Variants in MTERF3 observed in about 807,000 individuals in gnomAD.
MTERF3 encodes transcription termination factor 3, mitochondrial.
A neutral mutation model predicts 40.5 loss-of-function variants in MTERF3; 40 were observed. The ratio of observed to expected loss-of-function variants is 0.99; its 90% CI spans 0.77 to 1.29. The LOEUF (loss-of-function observed/expected upper bound fraction) is 1.29, where lower values mean the gene tolerates loss of function less well. MTERF3 is among the 50% of genes most tolerant of loss of function. The pLI is 0.00. For synonymous variants in MTERF3, 158 were observed against 166.6 expected, an observed-to-expected ratio of 0.95 and a Z score of 0.40; for missense variants, 452 against 478.2, an observed-to-expected ratio of 0.95 and a Z score of 0.51.
chr8:96,252,226 T>C (rs13438876), intron 3 of MTERF3, among the ~76,000 whole-genome samples: 10,397 of 152,234 alleles, frequency 0.068, 390 homozygotes, highest in Non-Finnish European at 0.083. Flanking sequence ...AACAGAATAA[T>C]ACGCACACTC....
chr8:96,239,477 A>C lies in MTERF3; in HGVS notation c.*14T>G, dbSNP rs1378834139. The C allele has an allele frequency of 8.3e-6, 13 of 1,558,004 alleles. No individual in the cohort carries two copies. Among genetic ancestry groups the C allele is most frequent in the Non-Finnish European group, 1.1e-5 (13 of 1,148,526 alleles). On this transcript the variant is annotated 3_prime_UTR_variant, in exon 8 of 8. Transcript: ENST00000287025. ...ATTCACTTTACAATACTGCATTTTA[A>C]CATACATAAAAATCTAAAGCGTTTT...
At chr8:96,243,182 G>C (rs1809959367) in intron 7 of MTERF3, among the ~76,000 whole-genome samples, 1 of 152,124 alleles carries the variant, frequency 6.6e-6, no homozygotes, top group South Asian at 2.1e-4. Flanking sequence ...TCAAAAACAG[G>C]AACATGTGTT....
chr8:96,252,045 G>C (rs535624555), intron 3 of MTERF3, among the ~76,000 whole-genome samples: 1 of 152,272 alleles, frequency 6.6e-6, no homozygotes, highest in South Asian at 2.1e-4. Context: ...TTTTAAAAAG[G>C]GGGGTTTCCA....
At chr8:96,250,329 G>GTTT (rs35632317) in intron 4 of MTERF3, among the ~76,000 whole-genome samples, 3 of 138,856 alleles carry the variant, frequency 2.2e-5, no homozygotes, top group African/African-American at 7.8e-5. Flanking sequence ...TTGTTGATGG[G>GTTT]TTTTTTTTTT....
chr8:96,251,124 G>A (rs184553405), intron 3 of MTERF3, 29 bp from the exon 4 acceptor site: 1 of 1,526,870 alleles, frequency 6.5e-7, no homozygotes, highest in Non-Finnish European at 8.7e-7. Flanking sequence ...ACTGTTTGAA[G>A]ATGACTTCTT....
chr8:96,259,673 T>C (rs1161122644), intron 1 of MTERF3, among the ~76,000 whole-genome samples: 1 of 152,196 alleles, frequency 6.6e-6, no homozygotes, highest in Non-Finnish European at 1.5e-5. Context: ...ATGTTAGCCA[T>C]TATTATTGGT....
chr8:96,248,434 T>C lies in MTERF3; in HGVS notation c.678-1980A>G, dbSNP rs545905990. ...TCTCCAAGATACAGTGAAGGTAAGA[T>C]AGTGGGATACAGAATAGTGTGTATA... On this transcript the variant is annotated intron_variant, in intron 4 of 7. Transcript: ENST00000287025. Among the ~76,000 whole-genome samples, 13 of 152,304 alleles carry C rather than the reference T, an allele frequency of 8.5e-5. No individual in the cohort carries two copies. In the East Asian group the frequency reaches 1.5e-3, roughly 18 times the overall value.
At position 96,245,929 on chromosome 8, in the gene MTERF3, A is replaced by T; in HGVS notation, c.828T>A (p.Thr276=). 1 of 1,613,624 alleles carries T rather than the reference A, an allele frequency of 6.2e-7. No individual in the cohort carries two copies. The highest frequency in any genetic ancestry group is 1.7e-5 in the Admixed American group (1 of 59,938). ...TTGGGAGACGAACTACCAGATCTCT[A>T]GTCTGTGGTTGCAAACAAAACAATC... is the stretch of plus-strand genomic sequence containing the variant. The part of the protein sequence containing the change: ...QKELELSVKK[T]RDLVVRLPRL... The change falls in exon 6 of 8, where the codon ACT becomes ACA. Residue 276 remains threonine, a splice_region_variant and synonymous_variant. Transcript: ENST00000287025.
chr8:96,257,207 G>T, intron 2 of MTERF3, 93 bp from the exon 3 acceptor site: 3 of 1,302,594 alleles, frequency 2.3e-6, no homozygotes, highest in Non-Finnish European at 2.1e-6. Flanking sequence ...TTCTTTCAGT[G>T]GTTAAATCTT....
At chr8:96,252,319 CTATT>C (rs1810200771) in intron 3 of MTERF3, among the ~76,000 whole-genome samples, 1 of 152,124 alleles carries the variant, frequency 6.6e-6, no homozygotes, top group South Asian at 2.1e-4. Flanking sequence ...AATAGATAGA[CTATT>C]TGTTAAAATA....
At chr8:96,253,252 C>G (rs1053539998) in intron 3 of MTERF3, among the ~76,000 whole-genome samples, 1 of 152,056 alleles carries the variant, frequency 6.6e-6, no homozygotes, top group African/African-American at 2.4e-5. Context: ...GCCTTCCCAA[C>G]AATAAAGAGA....
chr8:96,250,638 GA>G (rs1188460738), intron 4 of MTERF3, among the ~76,000 whole-genome samples: 5 of 23,360 alleles, frequency 2.1e-4, no homozygotes, highest in African/African-American at 9.9e-4. Context: ...AGAAGAAGAA[GA>G]AGAAGAAGAA....
At position 96,259,601 on chromosome 8, in the gene MTERF3, G is replaced by A. The variant is rs140658040; in HGVS notation, c.-10-901C>T. The stretch of plus-strand genomic sequence containing the variant: ...GTAAATTTGATGCATATAATCTTAC[G>A]TTAAATAACATTATCCATATAAAAC... On this transcript the variant is annotated intron_variant, in intron 1 of 7. Coordinates refer to ENST00000287025, the MANE Select transcript of MTERF3 (RefSeq NM_015942.5). Among the ~76,000 whole-genome samples the A allele has an allele frequency of 4.8e-3, 733 of 152,212 alleles. 3 individuals are homozygous for A. Among genetic ancestry groups the A allele is most frequent in the African/African-American group, 0.014 (588 of 41,522 alleles).
Position 96,258,676 on chromosome 8 carries a change from G to A in MTERF3, c.15C>T (p.Ala5=). 1.3e-6 allele frequency: 2 copies of A among 1,598,412 alleles called. No individual in the cohort carries two copies. The highest frequency in any genetic ancestry group is 1.7e-6 in the Non-Finnish European group (2 of 1,169,636). Residue 5 remains alanine (A), a synonymous_variant, in exon 2 of 8, where the codon GCC becomes GCT. Coordinates refer to ENST00000287025, the MANE Select transcript of MTERF3 (RefSeq NM_015942.5). Reference sequence around the variant, plus strand: ...AGTTAAACCATCTGGGTATCTGTTGGGCTGACAAAGCCATTTTTCTTAGTC... The same window carrying A: ...AGTTAAACCATCTGGGTATCTGTTGAGCTGACAAAGCCATTTTTCTTAGTC... MALS[A]QQIPRWFNSV...
chr8:96,248,208 C>T (rs139243169), intron 4 of MTERF3, among the ~76,000 whole-genome samples: 2 of 152,206 alleles, frequency 1.3e-5, no homozygotes, highest in African/African-American at 4.8e-5. Context: ...TTTGACCTAG[C>T]ATTTCCACTT....
chr8:96,239,882 T>C (rs1354937443), intron 7 of MTERF3, 197 bp from the exon 8 acceptor site: 2 of 699,400 alleles, frequency 2.9e-6, no homozygotes, highest in Admixed American at 2.0e-5. Context: ...AAAATCAACA[T>C]ACAAAACAAT....
In MTERF3 at chr8:96,252,095, G is replaced by A. The variant is rs543858096; in HGVS notation, c.488-1000C>T. On this transcript the variant is annotated intron_variant, in intron 3 of 7. Coordinates refer to ENST00000287025, the MANE Select transcript of MTERF3 (RefSeq NM_015942.5). ...TCTCTTGGCTGCTGCCACGTGAGAC[G>A]TGCCTTTCACCTTCTGCCATAATTG... 3.9e-5 allele frequency among the ~76,000 whole-genome samples: 6 copies of A among 152,304 alleles called. No homozygotes were observed. The South Asian group carries it at 1.2e-3, about 32-fold the overall frequency.
intron 7 of MTERF3, among the ~76,000 whole-genome samples, chr8:96,241,522 C>T (rs566794180): frequency 2.5e-4 from 38 of 152,270 alleles, no homozygotes; most frequent in Non-Finnish European, 4.1e-4. Flanking sequence ...TATAATAACA[C>T]TTCAAAGCAT....
At chr8:96,255,759 A>G (rs1810268028) in intron 3 of MTERF3, among the ~76,000 whole-genome samples, 1 of 152,230 alleles carries the variant, frequency 6.6e-6, no homozygotes, top group African/African-American at 2.4e-5. Flanking sequence ...GACAAACAAA[A>G]AATGAGATCC....
Sources: gnomAD v4.1 joint callset for allele counts (sites outside exome capture counted in the v4.1 genomes callset) on GRCh38, gnomAD v4.1.1 for gene constraint, MANE v1.5 for transcripts, NCBI Gene and HGNC (gene_info 2026-07-23, HGNC 2026-07-21) for gene names.